Variants in DYNC1I1 observed in about 807,000 individuals in gnomAD.
DYNC1I1 encodes the protein dynein cytoplasmic 1 intermediate chain 1.
DYNC1I1 carries 43 observed loss-of-function variants against 86.6 expected under a neutral mutation model. The ratio of observed to expected loss-of-function variants is 0.50; its 90% CI spans 0.39 to 0.64. The LOEUF (loss-of-function observed/expected upper bound fraction) is 0.64. Among genes scored for constraint, DYNC1I1 ranks in the 30% least tolerant of loss-of-function variants. The pLI is 0.00. For missense variants in DYNC1I1, 604 were observed against 788.8 expected (o/e 0.77, Z 2.81); for synonymous variants, 262 against 283.7 (o/e 0.92, Z 0.77).
intron 1 of DYNC1I1, among the ~76,000 whole-genome samples, chr7:95,791,868 T>G (rs1434351323): frequency 6.6e-6 from 1 of 152,208 alleles, no homozygotes; most frequent in Non-Finnish European, 1.5e-5. Context: ...ACATTTGTAC[T>G]AATGAGTGAG....
At chr7:95,941,511 C>T (rs1327844712) in intron 6 of DYNC1I1, among the ~76,000 whole-genome samples, 7 of 152,228 alleles carry the variant, frequency 4.6e-5, no homozygotes, top group South Asian at 4.2e-4. Flanking sequence ...CAATGGCGGG[C>T]GCCCCTCCCC....
chr7:95,995,128 T>G (rs1171961069), intron 9 of DYNC1I1, among the ~76,000 whole-genome samples: 3 of 151,986 alleles, frequency 2.0e-5, no homozygotes, highest in Non-Finnish European at 4.4e-5. Flanking sequence ...GCGCCTGTAG[T>G]CCCAGCTACT....
Position 95,813,675 on chromosome 7 carries a change from C to G in DYNC1I1, c.314+338C>G, listed in dbSNP as rs117785755. On this transcript the variant is annotated intron_variant, in intron 4 of 16. Coordinates refer to ENST00000447467, the MANE Select transcript of DYNC1I1 (RefSeq NM_001135556.2). ...AGATAATTGAATATATATCCAGCTT[C>G]TTATTATCCTACTTTGGTTTTGGTT... Among the ~76,000 whole-genome samples the G allele has an allele frequency of 1.9e-3, 286 of 152,212 alleles. 11 individuals are homozygous for G. The East Asian group carries it at 0.047, about 25-fold the overall frequency.
intron 1 of DYNC1I1, among the ~76,000 whole-genome samples, chr7:95,785,971 A>G (rs1794134819): frequency 6.6e-6 from 1 of 151,818 alleles, no homozygotes; most frequent in Non-Finnish European, 1.5e-5. Flanking sequence ...CTATACAGCA[A>G]AAGTGTGATA....
At chr7:96,043,954 C>G (rs185946099) in intron 14 of DYNC1I1, among the ~76,000 whole-genome samples, 1 of 152,062 alleles carries the variant, frequency 6.6e-6, no homozygotes, top group African/African-American at 2.4e-5. Context: ...GTGATCCACC[C>G]GCCTCAGCCT....
At chr7:95,912,399 C>A (rs1015370409) in intron 6 of DYNC1I1, among the ~76,000 whole-genome samples, 33 of 152,184 alleles carry the variant, frequency 2.2e-4, no homozygotes, top group Admixed American at 1.1e-3. Flanking sequence ...AGGAGTTTAT[C>A]TGGCTTGTTC....
chr7:95,845,352 CTA>C (rs1562919194), intron 5 of DYNC1I1, among the ~76,000 whole-genome samples: 3 of 152,202 alleles, frequency 2.0e-5, no homozygotes, highest in Admixed American at 2.0e-4. Flanking sequence ...TACAGAAAAT[CTA>C]ACTAGGAAAG....
At chr7:96,059,185 C>T (rs796368505) in intron 14 of DYNC1I1, among the ~76,000 whole-genome samples, 23 of 152,206 alleles carry the variant, frequency 1.5e-4, no homozygotes, top group African/African-American at 5.5e-4. Flanking sequence ...TAGCCAATAG[C>T]TCATGCCTGA....
intron 16 of DYNC1I1, among the ~76,000 whole-genome samples, chr7:96,092,899 C>G (rs1230496174): frequency 6.6e-6 from 1 of 152,104 alleles, no homozygotes. Flanking sequence ...TACCTGCCTG[C>G]CCTTCTGTCA....
At chr7:95,853,545 A>G (rs1339514764) in intron 5 of DYNC1I1, among the ~76,000 whole-genome samples, 1 of 152,226 alleles carries the variant, frequency 6.6e-6, no homozygotes, top group Non-Finnish European at 1.5e-5. Flanking sequence ...AAAGTAAGAC[A>G]TTAGATTTAT....
intron 6 of DYNC1I1, among the ~76,000 whole-genome samples, chr7:95,934,202 T>C (rs1411629707): frequency 6.6e-6 from 1 of 152,054 alleles, no homozygotes; most frequent in Admixed American, 6.5e-5. Context: ...TTTGGAGAAA[T>C]GAAACAATTT....
intron 5 of DYNC1I1, among the ~76,000 whole-genome samples, chr7:95,855,608 A>G (rs1789698229): frequency 6.6e-6 from 1 of 152,230 alleles, no homozygotes; most frequent in Admixed American, 6.5e-5. Context: ...TACTTACACA[A>G]GCGTTGATGG....
intron 14 of DYNC1I1, among the ~76,000 whole-genome samples, chr7:96,042,573 A>G (rs1345817459): frequency 6.6e-6 from 1 of 152,182 alleles, no homozygotes; most frequent in African/African-American, 2.4e-5. Flanking sequence ...CAAACACTAC[A>G]AAGTTTTTGT....
intron 10 of DYNC1I1, among the ~76,000 whole-genome samples, chr7:96,023,860 T>C (rs1794613352): frequency 6.6e-6 from 1 of 152,198 alleles, no homozygotes; most frequent in East Asian, 1.9e-4. Flanking sequence ...GCTAAAAACA[T>C]TGGAAACTGT....
At chr7:96,087,156 G>C (rs186533849) in intron 16 of DYNC1I1, among the ~76,000 whole-genome samples, 8 of 152,066 alleles carry the variant, frequency 5.3e-5, no homozygotes, top group Admixed American at 4.6e-4. Context: ...AGTAATACAG[G>C]GCCTACATCA....
intron 6 of DYNC1I1, among the ~76,000 whole-genome samples, chr7:95,909,238 G>C (rs1406653042): frequency 3.2e-5 from 2 of 63,126 alleles, no homozygotes; most frequent in South Asian, 9.4e-4. Flanking sequence ...AGGGTGGGAG[G>C]GGGGTGGGGG....
At chr7:95,808,621 A>G (rs985626435) in intron 2 of DYNC1I1, among the ~76,000 whole-genome samples, 14 of 152,276 alleles carry the variant, frequency 9.2e-5, no homozygotes, top group South Asian at 2.1e-4. Flanking sequence ...AATTGCTGCA[A>G]GGTAGAATGG....
chr7:95,805,997 CGT>C (rs1440084027), intron 2 of DYNC1I1, among the ~76,000 whole-genome samples: 3 of 152,188 alleles, frequency 2.0e-5, no homozygotes, highest in Non-Finnish European at 4.4e-5. Context: ...CATACCATTA[CGT>C]GTTGATTGAT....
intron 1 of DYNC1I1, among the ~76,000 whole-genome samples, chr7:95,792,799 T>A (rs1166516074): frequency 6.6e-6 from 1 of 152,074 alleles, no homozygotes; most frequent in Non-Finnish European, 1.5e-5. Context: ...CTGGAGGGGA[T>A]GTGATTGAGT....
Sources: allele counts gnomAD v4.1 joint callset (sites outside exome capture counted in the v4.1 genomes callset), GRCh38; gene constraint gnomAD v4.1.1; transcripts MANE v1.5; gene names NCBI Gene and HGNC (gene_info 2026-07-23, HGNC 2026-07-21).